PRKCA: variants seen among roughly 807,000 people sequenced by gnomAD.
PRKCA encodes the protein protein kinase C alpha.
In PRKCA, 27 loss-of-function variants were observed where a neutral mutation model predicts 87.0. The ratio of observed to expected loss-of-function variants is 0.31; its 90% confidence interval spans 0.23 to 0.43. The LOEUF is 0.43. Ranked by LOEUF, PRKCA falls within the 20% of genes least tolerant of loss-of-function variation. PRKCA has a pLI of 1.00. For missense variants in PRKCA, 518 were observed against 852.3 expected (o/e 0.61, Z 4.88); for synonymous variants, 329 against 311.1 (o/e 1.06, Z -0.61).
At chr17:66,678,399 T>C (rs1019397144) in intron 5 of PRKCA, among the ~76,000 whole-genome samples, 1 of 152,222 alleles carries the variant, frequency 6.6e-6, no homozygotes, top group African/African-American at 2.4e-5. Flanking sequence ...AGTTTGCGTA[T>C]ACTTTGTTCC....
intron 3 of PRKCA, among the ~76,000 whole-genome samples, chr17:66,616,517 C>T (rs1041213985): frequency 2.6e-5 from 4 of 152,162 alleles, no homozygotes; most frequent in South Asian, 4.1e-4. Context: ...GCCCAGGCAC[C>T]GTGCTAGGCA....
At chr17:66,717,664 C>T (rs1228331813) in intron 8 of PRKCA, among the ~76,000 whole-genome samples, 1 of 152,216 alleles carries the variant, frequency 6.6e-6, no homozygotes, top group Non-Finnish European at 1.5e-5. Flanking sequence ...TTCAGGGCCT[C>T]TGTAGAGAAC....
At chr17:66,481,068 C>G (rs992840763) in intron 2 of PRKCA, among the ~76,000 whole-genome samples, 14 of 152,094 alleles carry the variant, frequency 9.2e-5, no homozygotes, top group Admixed American at 9.2e-4. Context: ...GATCTGCTGT[C>G]CTTTTTCATT....
chr17:66,541,429 C>T (rs1189460301), intron 3 of PRKCA, among the ~76,000 whole-genome samples: 1 of 152,130 alleles, frequency 6.6e-6, no homozygotes, highest in Non-Finnish European at 1.5e-5. Flanking sequence ...TCCTCTGTTG[C>T]TTATATTGAT....
intron 2 of PRKCA, among the ~76,000 whole-genome samples, chr17:66,313,307 A>G (rs1905163174): frequency 6.6e-6 from 1 of 152,238 alleles, no homozygotes; most frequent in African/African-American, 2.4e-5. Flanking sequence ...TTTATAATCC[A>G]AAGTTGTGCC....
chr17:66,644,547 T>TC (rs940269446), intron 4 of PRKCA, among the ~76,000 whole-genome samples: 4 of 152,062 alleles, frequency 2.6e-5, no homozygotes, highest in African/African-American at 9.7e-5. Context: ...TTTTTTATCC[T>TC]CCCCCTGTCT....
chr17:66,527,450 T>C (rs997157626), intron 3 of PRKCA, among the ~76,000 whole-genome samples: 26 of 152,246 alleles, frequency 1.7e-4, no homozygotes, highest in Admixed American at 1.6e-3. Flanking sequence ...CCTTTATTAT[T>C]AATGTTTTGT....
rs573808934 is a variant in PRKCA at position 66,582,911 on chromosome 17, C to T, written c.289-58444C>T. Among the ~76,000 whole-genome samples, 17 of 152,276 alleles carry T rather than the reference C, an allele frequency of 1.1e-4. No homozygotes were observed. In the South Asian group the frequency reaches 2.3e-3, roughly 20 times the overall value. ...CGTGTGACCTAGGAAGTCAGCAGCA[C>T]AGACTTTGGGGCCAGATAGTCTGGT... is the stretch of plus-strand genomic sequence containing the variant. On this transcript the variant is annotated intron_variant, in intron 3 of 16. Transcript: ENST00000413366.
intron 2 of PRKCA, among the ~76,000 whole-genome samples, chr17:66,387,635 C>T (rs1910135712): frequency 6.6e-6 from 1 of 152,176 alleles, no homozygotes; most frequent in African/African-American, 2.4e-5. Flanking sequence ...ACTTGCTTTG[C>T]TACTTCTTAG....
chr17:66,645,338 T>C, intron 4 of PRKCA, 45 bp from the exon 5 acceptor site: 2 of 1,612,852 alleles, frequency 1.2e-6, no homozygotes, highest in Non-Finnish European at 1.7e-6. Flanking sequence ...GAGCGGTGGT[T>C]GGAGTCCATA....
intron 3 of PRKCA, among the ~76,000 whole-genome samples, chr17:66,602,558 C>T (rs1214954462): frequency 2.0e-5 from 3 of 151,834 alleles, no homozygotes; most frequent in Admixed American, 6.6e-5. Flanking sequence ...AGCTGTAGAC[C>T]GGAGCTGTTC....
intron 2 of PRKCA, among the ~76,000 whole-genome samples, chr17:66,411,415 C>G (rs1024758137): frequency 1.3e-5 from 2 of 152,042 alleles, no homozygotes; most frequent in African/African-American, 4.8e-5. Context: ...CTTTTAGACA[C>G]ACTTAGATGT....
At chr17:66,767,947 C>T (rs757100280) in intron 13 of PRKCA, among the ~76,000 whole-genome samples, 7 of 152,062 alleles carry the variant, frequency 4.6e-5, no homozygotes, top group Non-Finnish European at 1.0e-4. Flanking sequence ...TAAGCGTCTT[C>T]CCACTGACTT....
chr17:66,628,073 A>C (rs1970908408), intron 3 of PRKCA, among the ~76,000 whole-genome samples: 1 of 152,202 alleles, frequency 6.6e-6, no homozygotes, highest in Non-Finnish European at 1.5e-5. Flanking sequence ...ATCACTTTTT[A>C]GCTAAGATGT....
intron 2 of PRKCA, chr17:66,398,082 A>G (rs1029152700): frequency 6.6e-6 from 1 of 152,072 alleles, no homozygotes; most frequent in African/African-American, 2.4e-5. Flanking sequence ...CATTTCCTTC[A>G]TTTTATTGAC....
intron 3 of PRKCA, among the ~76,000 whole-genome samples, chr17:66,512,457 AGTGT>A (rs71160573): frequency 0.019 from 2,708 of 144,340 alleles, 50 homozygotes; most frequent in African/African-American, 0.045. Context: ...CAACAAAAAA[AGTGT>A]GTGTGTGTGT....
At chr17:66,394,380 C>T (rs1240362922) in intron 2 of PRKCA, among the ~76,000 whole-genome samples, 1 of 152,164 alleles carries the variant, frequency 6.6e-6, no homozygotes, top group Non-Finnish European at 1.5e-5. Flanking sequence ...GGGGAAGATT[C>T]ACTTCCGAAG....
chr17:66,498,567 A>G (rs1476697101), intron 3 of PRKCA, among the ~76,000 whole-genome samples: 1 of 152,180 alleles, frequency 6.6e-6, no homozygotes, highest in Non-Finnish European at 1.5e-5. Context: ...GTCCTGGGGT[A>G]TAACACTAAG....
intron 3 of PRKCA, among the ~76,000 whole-genome samples, chr17:66,517,408 G>A (rs537606323): frequency 2.0e-5 from 3 of 152,196 alleles, no homozygotes; most frequent in Admixed American, 2.0e-4. Context: ...CCTCCTGCGT[G>A]CCTCTTTGAA....
Sources: gnomAD v4.1 joint callset for allele counts (sites outside exome capture counted in the v4.1 genomes callset) on GRCh38, gnomAD v4.1.1 for gene constraint, MANE v1.5 for transcripts, NCBI Gene and HGNC (gene_info 2026-07-23, HGNC 2026-07-21) for gene names.